The following PPFIA2 variants were observed in gnomAD, a reference collection of about 807,000 sequenced individuals.
The protein encoded by PPFIA2 is liprin-alpha-2.
Under a neutral mutation model 175.5 loss-of-function variants are expected in PPFIA2, and 46 were observed. The ratio of observed to expected loss-of-function variants is 0.26; its 90% CI spans 0.21 to 0.34. PPFIA2 has a LOEUF of 0.34. Among genes scored for constraint, PPFIA2 ranks in the 10% least tolerant of loss-of-function variants. PPFIA2 has a pLI of 1.00. For missense variants in PPFIA2, 1,179 were observed against 1,506.1 expected, an observed-to-expected ratio of 0.78 and a Z score of 3.60; for synonymous variants, 568 against 511.4, an observed-to-expected ratio of 1.11 and a Z score of -1.49.
intron 4 of PPFIA2, among the ~76,000 whole-genome samples, chr12:81,596,542 T>C (rs1490959351): frequency 6.6e-6 from 1 of 152,180 alleles, no homozygotes; most frequent in East Asian, 1.9e-4. Context: ...GAAAGTCACC[T>C]GCCAAGAAAG....
At chr12:81,663,509 C>T (rs547672939) in intron 4 of PPFIA2, among the ~76,000 whole-genome samples, 5 of 152,230 alleles carry the variant, frequency 3.3e-5, no homozygotes, top group Admixed American at 3.3e-4. Context: ...TCAAGGAGAA[C>T]TACAAACCAC....
At chr12:81,390,455 T>C (rs1437693317) in intron 8 of PPFIA2, among the ~76,000 whole-genome samples, 13 of 152,154 alleles carry the variant, frequency 8.5e-5, no homozygotes, top group Non-Finnish European at 4.4e-5. Flanking sequence ...TCTATCTTTT[T>C]ATTTCAGCTA....
chr12:81,297,013 G>T (rs545834567), intron 23 of PPFIA2, among the ~76,000 whole-genome samples: 1 of 152,086 alleles, frequency 6.6e-6, no homozygotes, highest in Non-Finnish European at 1.5e-5. Context: ...GTCCCCTCCC[G>T]CTGTCTCTTT....
rs1447169981 is a variant in PPFIA2, at chr12:81,384,070, T to C, written c.937A>G (p.Ile313Val). ...TTGGTGTTCATTTCTTCTGTTTTAA[T>C]GAGATCCTTTCTTGCTGTCTCTGCT... ...QEAETARKDLIKTEEMNTKYQ... is the reference protein window; with the variant it reads ...QEAETARKDLVKTEEMNTKYQ... Residue 313 changes from isoleucine (I) to valine (V), a missense_variant, in exon 9 of 33, where the codon ATT becomes GTT. Coordinates refer to ENST00000549396, the MANE Select transcript of PPFIA2 (RefSeq NM_003625.5). 2 of 1,612,358 alleles carry C rather than the reference T, an allele frequency of 1.2e-6. No homozygotes were observed. Among genetic ancestry groups the C allele is most frequent in the African/African-American group, 1.3e-5 (1 of 74,874 alleles).
Position 81,489,463 on chromosome 12 carries a change from A to G in PPFIA2, c.304-31597T>C, listed in dbSNP as rs537917817. On this transcript the variant is annotated intron_variant, in intron 4 of 32. Transcript: ENST00000549396. ...AATGCACCTGTTGAAAGCAACCAAA[A>G]TAACACAGAGAAAAATCATTAGACA... is the stretch of plus-strand genomic sequence containing the variant. 7.2e-5 allele frequency among the ~76,000 whole-genome samples: 11 copies of G among 152,002 alleles called. No individual in the cohort carries two copies. The South Asian group carries it at 2.3e-3, about 31-fold the overall frequency.
At chr12:81,319,591 A>G (rs1594754241) in intron 22 of PPFIA2, among the ~76,000 whole-genome samples, 1 of 151,932 alleles carries the variant, frequency 6.6e-6, no homozygotes, top group East Asian at 1.9e-4. Context: ...TCCTGCAGTA[A>G]TTGTGTCTGT....
chr12:81,339,127 G>T, intron 21 of PPFIA2, 53 bp downstream of exon 21: 1 of 1,407,660 alleles, frequency 7.1e-7, no homozygotes, highest in Non-Finnish European at 9.5e-7. Context: ...GATGGATACT[G>T]TGACATGACT....
chr12:81,400,812 C>G (rs185631294), intron 8 of PPFIA2, among the ~76,000 whole-genome samples: 1 of 152,208 alleles, frequency 6.6e-6, no homozygotes, highest in East Asian at 1.9e-4. Flanking sequence ...AAGAGGCCAG[C>G]CAGCTTGGGA....
intron 3 of PPFIA2, chr12:81,687,624 G>A (rs1036511619): frequency 1.3e-5 from 2 of 152,006 alleles, no homozygotes; most frequent in African/African-American, 4.8e-5. Context: ...AGACAGCTTA[G>A]TGATCCAGAG....
At chr12:81,383,664 G>T (rs1183132808) in intron 9 of PPFIA2, among the ~76,000 whole-genome samples, 1 of 151,966 alleles carries the variant, frequency 6.6e-6, no homozygotes, top group Admixed American at 6.6e-5. Context: ...ACAATTTAAG[G>T]CATTTTTGTA....
At chr12:81,458,783 AT>A (rs1366070822) in intron 4 of PPFIA2, among the ~76,000 whole-genome samples, 1 of 152,110 alleles carries the variant, frequency 6.6e-6, no homozygotes, top group Non-Finnish European at 1.5e-5. Context: ...ACAAATATTT[AT>A]TTTTTTAAAT....
In PPFIA2 at chr12:81,642,708, ATG is replaced by A. The variant is rs2065272000; in HGVS notation, c.303+34081_303+34082del. On this transcript the variant is annotated intron_variant, in intron 4 of 32. Coordinates refer to ENST00000549396, the MANE Select transcript of PPFIA2 (RefSeq NM_003625.5). ...CTATTATATACATACATGTATATGTATGTATGTATTATATACATACATGTATA... is the reference window on the plus strand; with the variant it reads ...CTATTATATACATACATGTATATGTATATGTATTATATACATACATGTATA... 2.1e-5 allele frequency among the ~76,000 whole-genome samples: 2 copies of A among 95,768 alleles called. 1 individual carries two copies. Among genetic ancestry groups the A allele is most frequent in the African/African-American group, 6.3e-5 (2 of 31,944 alleles). 62.8% of individuals were successfully genotyped at this position (95,768 alleles called of 152,430 possible). A position where few individuals can be genotyped will look rare whatever the true frequency, so the allele number is the denominator to read the frequency against.
chr12:81,368,599 A>C (rs1456862985), intron 13 of PPFIA2, 126 bp downstream of exon 13: 1 of 1,005,898 alleles, frequency 9.9e-7, no homozygotes, highest in Admixed American at 2.8e-5. Flanking sequence ...CTTTCTAAGA[A>C]TATACCAGGC....
chr12:81,276,866 T>C (rs1000027941), intron 28 of PPFIA2, among the ~76,000 whole-genome samples: 3 of 152,156 alleles, frequency 2.0e-5, no homozygotes, highest in African/African-American at 4.8e-5. Flanking sequence ...AATCACCATA[T>C]AATTTCTTTA....
At chr12:81,741,287 C>T (rs909760265) in intron 3 of PPFIA2, among the ~76,000 whole-genome samples, 3 of 151,408 alleles carry the variant, frequency 2.0e-5, no homozygotes, top group East Asian at 1.9e-4. Flanking sequence ...CCATAAGGCT[C>T]GATGAATTAT....
intron 8 of PPFIA2, among the ~76,000 whole-genome samples, chr12:81,393,396 C>T (rs1397946203): frequency 1.3e-5 from 2 of 152,056 alleles, no homozygotes; most frequent in Non-Finnish European, 2.9e-5. Flanking sequence ...AGAATCAACA[C>T]TAGAGTGGAT....
chr12:81,571,936 T>C (rs996244411), intron 4 of PPFIA2, among the ~76,000 whole-genome samples: 2 of 152,024 alleles, frequency 1.3e-5, no homozygotes, highest in East Asian at 3.9e-4. Flanking sequence ...CCAAATGAAA[T>C]GTTGTCTAAT....
chr12:81,342,488 A>T (rs2058289282), intron 19 of PPFIA2, among the ~76,000 whole-genome samples: 1 of 152,104 alleles, frequency 6.6e-6, no homozygotes, highest in Non-Finnish European at 1.5e-5. Context: ...ACTTCATGAA[A>T]TTGTCAGGAC....
chr12:81,412,549 A>G (rs1205629267), intron 7 of PPFIA2, among the ~76,000 whole-genome samples: 3 of 151,884 alleles, frequency 2.0e-5, no homozygotes, highest in Admixed American at 2.0e-4. Flanking sequence ...AACAACCACA[A>G]TTGCTTTTGC....
Sources: gnomAD v4.1 joint callset for allele counts (sites outside exome capture counted in the v4.1 genomes callset) on GRCh38, gnomAD v4.1.1 for gene constraint, MANE v1.5 for transcripts, NCBI Gene and HGNC (gene_info 2026-07-23, HGNC 2026-07-21) for gene names.